Variants in DZIP3 observed in about 807,000 individuals in gnomAD.
DZIP3 encodes the protein E3 ubiquitin-protein ligase DZIP3.
Under a neutral mutation model 162.0 loss-of-function variants are expected in DZIP3, and 118 were observed. The ratio of observed to expected loss-of-function variants is 0.73; its 90% confidence interval spans 0.63 to 0.85. The LOEUF is 0.85. Ranked by LOEUF, DZIP3 falls within the 40% of genes least tolerant of loss-of-function variation. DZIP3 has a pLI of 0.00. For synonymous variants in DZIP3, 438 were observed against 458.6 expected (o/e 0.96, Z 0.57); for missense variants, 1,331 against 1,407.0 (o/e 0.95, Z 0.86).
At chr3:108,598,401 G>A (rs1031397966) in intron 1 of DZIP3, among the ~76,000 whole-genome samples, 3 of 152,128 alleles carry the variant, frequency 2.0e-5, no homozygotes, top group Non-Finnish European at 4.4e-5. Flanking sequence ...AGCTTAGAGC[G>A]TGGCACATAG....
chr3:108,666,904 A>C (rs1034716462), intron 21 of DZIP3, among the ~76,000 whole-genome samples: 1 of 152,188 alleles, frequency 6.6e-6, no homozygotes, highest in East Asian at 1.9e-4. Context: ...ATAACACTAA[A>C]TACACACATT....
intron 26 of DZIP3, among the ~76,000 whole-genome samples, chr3:108,682,070 A>C (rs968231809): frequency 6.6e-6 from 1 of 150,566 alleles, no homozygotes; most frequent in Non-Finnish European, 1.5e-5. Flanking sequence ...CAGAACTTAA[A>C]GTATAATAAT....
At chr3:108,664,465 A>G (rs1463842657) in intron 21 of DZIP3, among the ~76,000 whole-genome samples, 1 of 152,224 alleles carries the variant, frequency 6.6e-6, no homozygotes, top group Non-Finnish European at 1.5e-5. Flanking sequence ...AGAAGGAGAC[A>G]GTGCTTTAAT....
chr3:108,616,306 A>AAATT (rs1321745588), intron 4 of DZIP3, among the ~76,000 whole-genome samples: 1 of 147,382 alleles, frequency 6.8e-6, no homozygotes, highest in Admixed American at 6.8e-5. Context: ...ATAAATAAAT[A>AAATT]AAATAAAATT....
At chr3:108,635,998 G>A (rs1338758782) in intron 10 of DZIP3, among the ~76,000 whole-genome samples, 1 of 151,772 alleles carries the variant, frequency 6.6e-6, no homozygotes, top group African/African-American at 2.4e-5. Flanking sequence ...ATTTTTTTAA[G>A]CTCTGAAGTA....
At chr3:108,678,907 A>G (rs1332461896) in intron 26 of DZIP3, among the ~76,000 whole-genome samples, 1 of 151,902 alleles carries the variant, frequency 6.6e-6, no homozygotes, top group Admixed American at 6.6e-5. Flanking sequence ...AGCAGGATCT[A>G]TAGCTAAAAG....
chr3:108,636,712 A>T lies in DZIP3; in HGVS notation c.1011+4A>T. The stretch of plus-strand genomic sequence containing the variant: ...ACCTGGAATTGTTAAAATTTTGGTG[A>T]GTATCTTGTTTTGTCCTTTTTTTTT... On this transcript the variant is annotated splice_donor_region_variant and intron_variant, in intron 11 of 32. Coordinates refer to ENST00000361582, the MANE Select transcript of DZIP3 (RefSeq NM_014648.4). 6.4e-7 allele frequency: 1 copy of T among 1,550,562 alleles called. No individual in the cohort carries two copies. Among genetic ancestry groups the T allele is most frequent in the Non-Finnish European group, 8.7e-7 (1 of 1,155,374 alleles).
chr3:108,663,165 A>T (rs1943518031), intron 21 of DZIP3, among the ~76,000 whole-genome samples: 1 of 152,214 alleles, frequency 6.6e-6, no homozygotes, highest in East Asian at 1.9e-4. Flanking sequence ...ACATTGTCAG[A>T]CTTACCCTGA....
intron 27 of DZIP3, among the ~76,000 whole-genome samples, chr3:108,686,117 T>C (rs1378126546): frequency 6.6e-6 from 1 of 152,204 alleles, no homozygotes; most frequent in Non-Finnish European, 1.5e-5. Context: ...TTGCTGTACA[T>C]GTATGTAATT....
chr3:108,592,853 C>T (rs777106872), intron 1 of DZIP3, among the ~76,000 whole-genome samples: 7 of 151,998 alleles, frequency 4.6e-5, no homozygotes, highest in Non-Finnish European at 8.8e-5. Flanking sequence ...AGACTTTCTG[C>T]CTATATATCA....
intron 5 of DZIP3, among the ~76,000 whole-genome samples, chr3:108,622,874 C>T (rs71633457): frequency 9.5e-6 from 1 of 105,186 alleles, no homozygotes; most frequent in African/African-American, 3.5e-5. Flanking sequence ...CTCTCTCTCT[C>T]TCTCTCTGTG....
intron 4 of DZIP3, among the ~76,000 whole-genome samples, chr3:108,614,004 C>A (rs1383935775): frequency 1.3e-5 from 2 of 152,052 alleles, no homozygotes; most frequent in East Asian, 3.9e-4. Context: ...GAATTTATAG[C>A]TTGAGATGTA....
At chr3:108,639,973 C>T (rs1334423182) in intron 12 of DZIP3, among the ~76,000 whole-genome samples, 1 of 151,810 alleles carries the variant, frequency 6.6e-6, no homozygotes, top group Non-Finnish European at 1.5e-5. Flanking sequence ...TTAATATTTT[C>T]AGTGTATTTT....
Position 108,631,008 on chromosome 3 carries a change from T to TACACACAC in DZIP3, c.696+1873_696+1880dup, listed in dbSNP as rs779771238. Among the ~76,000 whole-genome samples the TACACACAC allele has an allele frequency of 6.6e-3, 180 of 27,436 alleles. 19 individuals are homozygous for TACACACAC. Among genetic ancestry groups the TACACACAC allele is most frequent in the South Asian group, 0.022 (8 of 356 alleles). 18.0% of individuals were successfully genotyped at this position (27,436 alleles called of 152,430 possible). ...GAGTTTAGCTTGCTTATACATCCCC[T>TACACACAC]ACACACACACACACACACACACACA... On this transcript the variant is annotated intron_variant, in intron 8 of 32. Transcript: ENST00000361582.
At chr3:108,599,970 G>T (rs1446196824) in intron 1 of DZIP3, among the ~76,000 whole-genome samples, 1 of 152,152 alleles carries the variant, frequency 6.6e-6, no homozygotes, top group East Asian at 1.9e-4. Flanking sequence ...AAGCCACAAA[G>T]AATGGCTAGT....
intron 1 of DZIP3, among the ~76,000 whole-genome samples, chr3:108,604,211 A>G (rs895557927): frequency 4.6e-5 from 7 of 152,318 alleles, no homozygotes; most frequent in Middle Eastern, 3.4e-3. Flanking sequence ...CTACCCAATT[A>G]CTGGATAAAT....
At position 108,669,719 on chromosome 3, in the gene DZIP3, AG is replaced by A. The variant is rs1943851623; in HGVS notation, c.2463del (p.Asn822ThrfsTer8). 6.2e-7 allele frequency: 1 copy of A among 1,611,296 alleles called. No individual in the cohort carries two copies. Among genetic ancestry groups the A allele is most frequent in the Admixed American group, 1.7e-5 (1 of 59,754 alleles). On this transcript the variant is annotated frameshift_variant, in exon 22 of 33. Coordinates refer to ENST00000361582, the MANE Select transcript of DZIP3 (RefSeq NM_014648.4). LOFTEE classifies it high-confidence loss of function. ...RQIHAKDNEI[K>X]NLKEQLSMKR... ...ATCCATGCTAAAGATAATGAAATCA[AG>A]AACCTTAAAGAGCAACTTTCTATGA...
At chr3:108,692,336 A>G (rs146919292) in intron 32 of DZIP3, among the ~76,000 whole-genome samples, 20 of 152,254 alleles carry the variant, frequency 1.3e-4, no homozygotes, top group Middle Eastern at 3.4e-3. Flanking sequence ...TTTCTTCTCT[A>G]CAGCTTCCCA....
intron 7 of DZIP3, among the ~76,000 whole-genome samples, chr3:108,628,530 T>C (rs1941689443): frequency 6.6e-6 from 1 of 152,190 alleles, no homozygotes; most frequent in Admixed American, 6.5e-5. Flanking sequence ...GGAGGTTCTT[T>C]TGATGTTGCC....
Sources: gnomAD v4.1 joint callset for allele counts (sites outside exome capture counted in the v4.1 genomes callset) on GRCh38, gnomAD v4.1.1 for gene constraint, MANE v1.5 for transcripts, NCBI Gene and HGNC (gene_info 2026-07-23, HGNC 2026-07-21) for gene names.